Variants in SLC24A2 observed in about 807,000 individuals in gnomAD.
The protein encoded by SLC24A2 is solute carrier family 24 member 2.
Under a neutral mutation model 62.0 loss-of-function variants are expected in SLC24A2, and 36 were observed. The ratio of observed to expected loss-of-function variants is 0.58; its 90% CI spans 0.44 to 0.77. The LOEUF (loss-of-function observed/expected upper bound fraction) is 0.77. Among genes scored for constraint, SLC24A2 ranks in the 30% least tolerant of loss-of-function variants. The pLI is 0.00. For missense variants in SLC24A2, 846 were observed against 817.9 expected (o/e 1.03, Z -0.42); for synonymous variants, 358 against 294.0 (o/e 1.22, Z -2.23).
chr9:20,000,679 G>A, the SLC24A2 span, among the ~76,000 whole-genome samples: 2 of 152,170 alleles, frequency 1.3e-5, no homozygotes, highest in African/African-American at 2.4e-5. Context: ...AGTTTCTTAT[G>A]TGTCAGTGTT....
At chr9:20,244,506 A>C in the SLC24A2 span, among the ~76,000 whole-genome samples, 17,448 of 152,230 alleles carry the variant, frequency 0.11, 1,123 homozygotes, top group Middle Eastern at 0.17. Context: ...GATCTGTCAG[A>C]TTTATGCTTG....
intron 9 of SLC24A2, among the ~76,000 whole-genome samples, chr9:19,526,686 A>G (rs889576399): frequency 2.6e-5 from 4 of 152,132 alleles, no homozygotes; most frequent in African/African-American, 9.7e-5. Flanking sequence ...CAAAATTAGG[A>G]TACTTGAAGA....
At chr9:19,943,891 T>A in the SLC24A2 span, among the ~76,000 whole-genome samples, 2 of 152,336 alleles carry the variant, frequency 1.3e-5, no homozygotes, top group East Asian at 3.9e-4. Flanking sequence ...AAGTTGGGAA[T>A]AGAAAAATGA....
intron 2 of SLC24A2, among the ~76,000 whole-genome samples, chr9:19,720,690 C>A (rs1257938707): frequency 9.5e-5 from 3 of 31,666 alleles, no homozygotes; most frequent in African/African-American, 4.8e-4. Context: ...ACAATGACAA[C>A]CCCCCCCCCC....
At chr9:19,676,081 C>T (rs1819552193) in intron 2 of SLC24A2, among the ~76,000 whole-genome samples, 1 of 152,198 alleles carries the variant, frequency 6.6e-6, no homozygotes, top group Admixed American at 6.5e-5. Flanking sequence ...TTTTGCTCAG[C>T]TCTCTAAAAT....
At chr9:20,159,645 T>C in the SLC24A2 span, among the ~76,000 whole-genome samples, 1 of 151,628 alleles carries the variant, frequency 6.6e-6, no homozygotes, top group African/African-American at 2.4e-5. Context: ...TCAAATAAGA[T>C]GATTTATCCT....
the SLC24A2 span, among the ~76,000 whole-genome samples, chr9:20,242,969 C>G: frequency 5.1e-4 from 77 of 152,240 alleles, no homozygotes; most frequent in Admixed American, 1.4e-3. Context: ...ACTTGCAAAA[C>G]GAAAAGTTTC....
At chr9:20,276,420 T>C in the SLC24A2 span, among the ~76,000 whole-genome samples, 1 of 152,232 alleles carries the variant, frequency 6.6e-6, no homozygotes, top group Admixed American at 6.5e-5. Flanking sequence ...AAGAGTTGGG[T>C]TCCCATGGTC....
At chr9:19,525,391 C>A (rs13297943) in intron 9 of SLC24A2, among the ~76,000 whole-genome samples, 1 of 76,380 alleles carries the variant, frequency 1.3e-5, no homozygotes, top group Non-Finnish European at 2.3e-5. Flanking sequence ...TATTTCTTTA[C>A]TTTTTTTTTT....
the SLC24A2 span, among the ~76,000 whole-genome samples, chr9:20,237,554 G>T: frequency 6.6e-6 from 1 of 152,196 alleles, no homozygotes; most frequent in Non-Finnish European, 1.5e-5. Flanking sequence ...ACTAGAGAAG[G>T]TTAGAGAAGC....
chr9:20,072,777 G>A, the SLC24A2 span, among the ~76,000 whole-genome samples: 1 of 151,950 alleles, frequency 6.6e-6, no homozygotes, highest in South Asian at 2.1e-4. Context: ...CATAAGCCAA[G>A]GAATACAAGA....
At chr9:20,275,403 A>G in the SLC24A2 span, among the ~76,000 whole-genome samples, 1 of 152,190 alleles carries the variant, frequency 6.6e-6, no homozygotes, top group Non-Finnish European at 1.5e-5. Context: ...TTTTTTGTGA[A>G]AATGTGTATA....
At chr9:19,625,867 A>G (rs935992363) in intron 2 of SLC24A2, among the ~76,000 whole-genome samples, 3 of 151,850 alleles carry the variant, frequency 2.0e-5, no homozygotes, top group African/African-American at 7.3e-5. Context: ...TTGTATTCTT[A>G]GTAGAGACAG....
chr9:20,218,678 A>G, the SLC24A2 span, among the ~76,000 whole-genome samples: 1 of 152,208 alleles, frequency 6.6e-6, no homozygotes, highest in Non-Finnish European at 1.5e-5. Context: ...TCAAGTTCAT[A>G]CAGGACTGAG....
At chr9:19,661,654 T>C (rs1211217341) in intron 2 of SLC24A2, among the ~76,000 whole-genome samples, 1 of 152,112 alleles carries the variant, frequency 6.6e-6, no homozygotes, top group African/African-American at 2.4e-5. Flanking sequence ...AAATAAAGGG[T>C]GTGACAGGAA....
chr9:19,855,631 G>A, the SLC24A2 span, among the ~76,000 whole-genome samples: 1 of 152,178 alleles, frequency 6.6e-6, no homozygotes, highest in Non-Finnish European at 1.5e-5. Flanking sequence ...ATCTCTTCTG[G>A]CTTGTAGGGT....
chr9:19,583,862 A>G (rs1338090056), intron 5 of SLC24A2, among the ~76,000 whole-genome samples: 1 of 152,168 alleles, frequency 6.6e-6, no homozygotes, highest in African/African-American at 2.4e-5. Context: ...GGTGAACACC[A>G]TAAAGATCAG....
chr9:20,096,086 T>G, the SLC24A2 span, among the ~76,000 whole-genome samples: 5 of 105,300 alleles, frequency 4.7e-5, no homozygotes, highest in African/African-American at 1.8e-4. Context: ...CATCCATCCA[T>G]CCGTCCGTCC....
chr9:20,119,124 T>C, the SLC24A2 span, among the ~76,000 whole-genome samples: 7 of 152,098 alleles, frequency 4.6e-5, no homozygotes, highest in Admixed American at 2.0e-4. Context: ...AGGCCCTCAA[T>C]TGTACAACTG....
Sources: gnomAD v4.1 joint callset for allele counts (sites outside exome capture counted in the v4.1 genomes callset) on GRCh38, gnomAD v4.1.1 for gene constraint, MANE v1.5 for transcripts, NCBI Gene and HGNC (gene_info 2026-07-23, HGNC 2026-07-21) for gene names.